The following ST6GALNAC3 variants were observed in gnomAD, a reference collection of about 807,000 sequenced individuals.
ST6GALNAC3 encodes alpha-N-acetylgalactosaminide alpha-2,6-sialyltransferase 3.
A neutral mutation model predicts 32.7 loss-of-function variants in ST6GALNAC3; 25 were observed. The observed-to-expected ratio is 0.76, with a 90% CI of 0.56 to 1.07. ST6GALNAC3 has a LOEUF of 1.07. Among genes scored for constraint, ST6GALNAC3 ranks in the 50% least tolerant of loss-of-function variants. ST6GALNAC3 has a pLI of 0.00. For synonymous variants in ST6GALNAC3, 129 were observed against 133.1 expected (o/e 0.97, Z 0.21); for missense variants, 355 against 382.4 (o/e 0.93, Z 0.60).
At chr1:76,301,677 G>T (rs1660732934) in intron 1 of ST6GALNAC3, among the ~76,000 whole-genome samples, 1 of 151,822 alleles carries the variant, frequency 6.6e-6, no homozygotes, top group Non-Finnish European at 1.5e-5. Flanking sequence ...TGTTTAACAT[G>T]CATGTTTCAC....
At chr1:76,257,961 C>T (rs1219688816) in intron 1 of ST6GALNAC3, among the ~76,000 whole-genome samples, 2 of 152,174 alleles carry the variant, frequency 1.3e-5, no homozygotes, top group East Asian at 1.9e-4. Flanking sequence ...GTCCTGCCCA[C>T]TTGGTTTCCC....
chr1:76,156,999 G>T (rs148488175), intron 1 of ST6GALNAC3, among the ~76,000 whole-genome samples: 1,788 of 152,308 alleles, frequency 0.012, 33 homozygotes, highest in African/African-American at 0.041. Context: ...CCAAAGTGCT[G>T]GGATTACAGG....
At chr1:76,254,186 G>C (rs962492208) in intron 1 of ST6GALNAC3, among the ~76,000 whole-genome samples, 1 of 152,074 alleles carries the variant, frequency 6.6e-6, no homozygotes, top group African/African-American at 2.4e-5. Flanking sequence ...AATTTAGCAC[G>C]CGATTTTCCT....
chr1:76,535,566 T>C (rs1489857168), intron 3 of ST6GALNAC3, among the ~76,000 whole-genome samples: 2 of 152,156 alleles, frequency 1.3e-5, no homozygotes, highest in Non-Finnish European at 2.9e-5. Context: ...AGTTCTATAT[T>C]TGCAATCTAT....
At chr1:76,461,802 C>A (rs960388272) in intron 3 of ST6GALNAC3, among the ~76,000 whole-genome samples, 2 of 152,140 alleles carry the variant, frequency 1.3e-5, no homozygotes, top group South Asian at 4.1e-4. Context: ...CCTATTGAAA[C>A]CCCACAAGGT....
chr1:76,192,900 A>G (rs1031646315), intron 1 of ST6GALNAC3, among the ~76,000 whole-genome samples: 2 of 152,052 alleles, frequency 1.3e-5, no homozygotes, highest in East Asian at 1.9e-4. Context: ...GGAACTGGGG[A>G]CTTTTGTTTA....
At chr1:76,496,421 A>G (rs1660853161) in intron 3 of ST6GALNAC3, among the ~76,000 whole-genome samples, 2 of 152,164 alleles carry the variant, frequency 1.3e-5, no homozygotes, top group South Asian at 2.1e-4. Context: ...ATTCAATGTC[A>G]TTTTAATCTT....
At chr1:76,493,897 A>G (rs532149245) in intron 3 of ST6GALNAC3, among the ~76,000 whole-genome samples, 53 of 152,170 alleles carry the variant, frequency 3.5e-4, no homozygotes, top group Non-Finnish European at 6.2e-4. Context: ...CTCAGGGGAT[A>G]TGAACAGTTT....
chr1:76,589,038 A>T (rs891390128), intron 3 of ST6GALNAC3, among the ~76,000 whole-genome samples: 4 of 106,614 alleles, frequency 3.8e-5, no homozygotes, highest in Admixed American at 9.2e-5. Context: ...ATCCTGACTG[A>T]TACACTGGTG....
At chr1:76,343,459 G>A (rs149490669) in intron 2 of ST6GALNAC3, among the ~76,000 whole-genome samples, 5 of 152,234 alleles carry the variant, frequency 3.3e-5, no homozygotes, top group South Asian at 2.1e-4. Flanking sequence ...AAAGACCGTC[G>A]GATCAGTGTA....
intron 2 of ST6GALNAC3, among the ~76,000 whole-genome samples, chr1:76,408,301 A>T (rs1444095098): frequency 6.6e-6 from 1 of 152,130 alleles, no homozygotes; most frequent in Non-Finnish European, 1.5e-5. Flanking sequence ...AGGCAAAACT[A>T]TTACCCAGAA....
chr1:76,388,477 T>A (rs979442177), intron 2 of ST6GALNAC3, among the ~76,000 whole-genome samples: 2 of 152,182 alleles, frequency 1.3e-5, no homozygotes, highest in African/African-American at 4.8e-5. Flanking sequence ...TCATTATTAC[T>A]CTTTTGAAAA....
At chr1:76,363,195 G>A (rs1341646834) in intron 2 of ST6GALNAC3, among the ~76,000 whole-genome samples, 1 of 152,136 alleles carries the variant, frequency 6.6e-6, no homozygotes, top group Non-Finnish European at 1.5e-5. Context: ...TTTGAGCATA[G>A]GTTGTTATTA....
Position 76,419,389 on chromosome 1 carries a change from A to G in ST6GALNAC3, c.623+6972A>G, listed in dbSNP as rs145265209. Among the ~76,000 whole-genome samples, 542 of 152,246 alleles carry G rather than the reference A, an allele frequency of 3.6e-3. 4 individuals are homozygous for G. Among genetic ancestry groups the G allele is most frequent in the African/African-American group, 0.011 (474 of 41,562 alleles). On this transcript the variant is annotated intron_variant, in intron 3 of 4. Transcript: ENST00000328299. ...CAAAGGGTGTGAAACTCAAAGGCAA[A>G]AGTAGGCCTTAAATGGGAAGCTTCA...
chr1:76,287,363 A>AAAC (rs1659838725), intron 1 of ST6GALNAC3, among the ~76,000 whole-genome samples: 2 of 147,632 alleles, frequency 1.4e-5, no homozygotes, highest in South Asian at 2.1e-4. Context: ...GCATTTTGTC[A>AAAC]GTTGTAGGTT....
At chr1:76,547,566 A>T (rs563367435) in intron 3 of ST6GALNAC3, among the ~76,000 whole-genome samples, 1 of 152,236 alleles carries the variant, frequency 6.6e-6, no homozygotes, top group African/African-American at 2.4e-5. Context: ...TACTTTCTGG[A>T]CTAATGGTGT....
chr1:76,623,345 C>G (rs1316129254), intron 3 of ST6GALNAC3, among the ~76,000 whole-genome samples: 1 of 151,922 alleles, frequency 6.6e-6, no homozygotes, highest in African/African-American at 2.4e-5. Context: ...GCTTCCTCTT[C>G]ACACGCCTGC....
At chr1:76,492,279 T>C (rs1463486085) in intron 3 of ST6GALNAC3, among the ~76,000 whole-genome samples, 3 of 151,998 alleles carry the variant, frequency 2.0e-5, no homozygotes, top group African/African-American at 7.2e-5. Context: ...TTACAACAAA[T>C]AAATATAACA....
intron 1 of ST6GALNAC3, among the ~76,000 whole-genome samples, chr1:76,142,664 C>G: frequency 6.6e-6 from 1 of 152,134 alleles, no homozygotes. Context: ...TGGAAAAGAC[C>G]TAAATCACCA....
Sources: allele counts gnomAD v4.1 joint callset (sites outside exome capture counted in the v4.1 genomes callset), GRCh38; gene constraint gnomAD v4.1.1; transcripts MANE v1.5; gene names NCBI Gene and HGNC (gene_info 2026-07-23, HGNC 2026-07-21).